Variants in DCDC1 observed in about 807,000 individuals in gnomAD.
DCDC1 encodes the protein doublecortin domain-containing protein 1.
Under a neutral mutation model 178.3 loss-of-function variants are expected in DCDC1, and 200 were observed. That is an observed-to-expected ratio of 1.12 (90% confidence interval 1.00 to 1.26). DCDC1 has a LOEUF of 1.26. DCDC1 is among the 50% of genes most tolerant of loss of function. The pLI, the probability that DCDC1 is intolerant of heterozygous loss-of-function variation, is 0.00. For missense variants in DCDC1, 1,983 were observed against 1,749.2 expected, an observed-to-expected ratio of 1.13 and a Z score of -2.38; for synonymous variants, 690 against 604.8, an observed-to-expected ratio of 1.14 and a Z score of -2.07.
At chr11:31,009,592 G>C (rs1264435780) in intron 20 of DCDC1, among the ~76,000 whole-genome samples, 1 of 152,030 alleles carries the variant, frequency 6.6e-6, no homozygotes, top group Non-Finnish European at 1.5e-5. Flanking sequence ...AGTGCTGATG[G>C]TGTAAGTCCT....
intron 8 of DCDC1, among the ~76,000 whole-genome samples, chr11:31,255,005 C>G (rs1043380023): frequency 6.6e-6 from 1 of 152,080 alleles, no homozygotes; most frequent in Non-Finnish European, 1.5e-5. Flanking sequence ...TGGATTTATT[C>G]GCTCTGGATG....
chr11:31,229,121 T>C (rs563251190), intron 9 of DCDC1, among the ~76,000 whole-genome samples: 1 of 152,272 alleles, frequency 6.6e-6, no homozygotes, highest in African/African-American at 2.4e-5. Flanking sequence ...ATTTAAAACC[T>C]ACCTGTAAAC....
intron 20 of DCDC1, among the ~76,000 whole-genome samples, chr11:31,015,040 A>G (rs1205325069): frequency 6.8e-6 from 1 of 147,086 alleles, no homozygotes; most frequent in Admixed American, 6.9e-5. Flanking sequence ...TCCGCCTCCC[A>G]GTTTCACGCC....
At chr11:31,231,489 A>G (rs1405307118) in intron 9 of DCDC1, among the ~76,000 whole-genome samples, 1 of 152,134 alleles carries the variant, frequency 6.6e-6, no homozygotes, top group Non-Finnish European at 1.5e-5. Context: ...GAAAATGGGA[A>G]AAGAGAAAAG....
intron 20 of DCDC1, among the ~76,000 whole-genome samples, chr11:31,054,761 G>A (rs756643001): frequency 2.0e-5 from 3 of 152,210 alleles, no homozygotes; most frequent in African/African-American, 4.8e-5. Context: ...AGCAAATGGT[G>A]CTGGGATAAG....
At chr11:31,282,818 T>C (rs1220090206) in intron 7 of DCDC1, among the ~76,000 whole-genome samples, 1 of 152,176 alleles carries the variant, frequency 6.6e-6, no homozygotes, top group Non-Finnish European at 1.5e-5. Flanking sequence ...TTTTTAAAGA[T>C]ATTTTCATGT....
chr11:31,323,547 C>T lies in DCDC1; in HGVS notation c.164+4570G>A, dbSNP rs978416932. On this transcript the variant is annotated intron_variant, in intron 3 of 38. Coordinates refer to ENST00000684477, the MANE Select transcript of DCDC1 (RefSeq NM_001387274.1). ...TTATTTATTTATAGTGTATATTTGA[C>T]AAGCATATATTTCTTGCTTTATATT... Among the ~76,000 whole-genome samples the T allele has an allele frequency of 2.6e-5, 4 of 152,038 alleles. No individual in the cohort carries two copies. The South Asian group carries it at 8.3e-4, about 31-fold the overall frequency.
chr11:30,979,865 T>G (rs1352933167), intron 20 of DCDC1, among the ~76,000 whole-genome samples: 2 of 152,190 alleles, frequency 1.3e-5, no homozygotes, highest in Non-Finnish European at 2.9e-5. Context: ...TGTGAGATGA[T>G]CTTCTCTCTG....
chr11:30,891,095 A>C (rs1424785888), intron 36 of DCDC1, among the ~76,000 whole-genome samples: 2 of 152,322 alleles, frequency 1.3e-5, no homozygotes, highest in East Asian at 3.9e-4. Context: ...TACATTCCCA[A>C]GTAAACCTTG....
chr11:30,989,138 G>T (rs978615503), intron 20 of DCDC1, among the ~76,000 whole-genome samples: 1 of 152,084 alleles, frequency 6.6e-6, no homozygotes, highest in African/African-American at 2.4e-5. Flanking sequence ...ATAAGAGGGG[G>T]GGCAGTAAAA....
chr11:30,965,737 G>A (rs1408918857), intron 20 of DCDC1, among the ~76,000 whole-genome samples: 42 of 140,578 alleles, frequency 3.0e-4, no homozygotes, highest in Non-Finnish European at 5.1e-4. Flanking sequence ...ATCTCCCAAT[G>A]CTATCCCTTC....
At chr11:31,158,805 TAA>T (rs1224001775) in intron 9 of DCDC1, among the ~76,000 whole-genome samples, 1 of 152,186 alleles carries the variant, frequency 6.6e-6, no homozygotes, top group Non-Finnish European at 1.5e-5. Flanking sequence ...GAAAAATTGA[TAA>T]GTTTGACTTG....
At chr11:31,131,820 C>T (rs1962477486) in intron 10 of DCDC1, among the ~76,000 whole-genome samples, 1 of 152,284 alleles carries the variant, frequency 6.6e-6, no homozygotes, top group South Asian at 2.1e-4. Context: ...ATGTACTGCA[C>T]CTTGTGCTAT....
At chr11:31,075,519 G>T (rs1197092907) in intron 18 of DCDC1, among the ~76,000 whole-genome samples, 1 of 152,082 alleles carries the variant, frequency 6.6e-6, no homozygotes, top group East Asian at 1.9e-4. Context: ...CACCAAGAAT[G>T]TATAAGTGAT....
intron 27 of DCDC1, 86 bp downstream of exon 27, chr11:30,915,425 T>C: frequency 7.1e-7 from 1 of 1,413,456 alleles, no homozygotes; most frequent in Non-Finnish European, 9.8e-7. Flanking sequence ...TCAGATATAG[T>C]TCATCTTGTT....
chr11:31,202,796 TATACGGAGAGGTTCAGTGAAGGCA>T (rs1565424572), intron 9 of DCDC1, among the ~76,000 whole-genome samples: 2 of 152,190 alleles, frequency 1.3e-5, no homozygotes, highest in East Asian at 3.9e-4. Flanking sequence ...CTCTGCTCCA[TATACGGAGAGGTTCAGTGAAGGCA>T]TTTCCCAGGA....
intron 8 of DCDC1, among the ~76,000 whole-genome samples, chr11:31,264,235 T>A (rs1485302722): frequency 6.6e-6 from 1 of 152,170 alleles, no homozygotes; most frequent in Non-Finnish European, 1.5e-5. Context: ...TAGAAACAGA[T>A]CATGTAGGAG....
chr11:31,090,594 T>C (rs978219786), intron 17 of DCDC1, among the ~76,000 whole-genome samples: 6 of 152,188 alleles, frequency 3.9e-5, no homozygotes, highest in Admixed American at 2.6e-4. Flanking sequence ...GATCTATACC[T>C]GGGAATTTGA....
chr11:31,045,320 C>T (rs1256444210), intron 20 of DCDC1, among the ~76,000 whole-genome samples: 1 of 151,950 alleles, frequency 6.6e-6, no homozygotes, highest in African/African-American at 2.4e-5. Context: ...CCACTTCTTA[C>T]ACGTGACGGA....
Sources: gnomAD v4.1 joint callset for allele counts (sites outside exome capture counted in the v4.1 genomes callset) on GRCh38, gnomAD v4.1.1 for gene constraint, MANE v1.5 for transcripts, NCBI Gene and HGNC (gene_info 2026-07-23, HGNC 2026-07-21) for gene names.